Variants in NRG4 observed in about 807,000 individuals in gnomAD.
NRG4 encodes neuregulin 4, also known as pro-neuregulin-4, membrane-bound isoform.
NRG4 carries 10 observed loss-of-function variants against 15.0 expected under a neutral mutation model. The ratio of observed to expected loss-of-function variants is 0.67; its 90% CI spans 0.41 to 1.13. The LOEUF is 1.13. Among genes scored for constraint, NRG4 ranks in the 50% most tolerant of loss-of-function variants. NRG4 has a pLI of 0.00. For missense variants in NRG4, 139 were observed against 140.2 expected, an observed-to-expected ratio of 0.99 and a Z score of 0.04; for synonymous variants, 41 against 50.1, an observed-to-expected ratio of 0.82 and a Z score of 0.77.
chr15:75,978,091 A>G (rs1272463266), intron 3 of NRG4, among the ~76,000 whole-genome samples: 1 of 152,172 alleles, frequency 6.6e-6, no homozygotes, highest in Non-Finnish European at 1.5e-5. Context: ...TGCTGGGATT[A>G]CAGGCATGAG....
rs565514387 is a variant in NRG4 at position 75,955,085 on chromosome 15, A to C, written c.331+847T>G. The stretch of plus-strand genomic sequence containing the variant: ...GAATACTGGGCACCTCTAATCCTTC[A>C]GGTGATTTTTTCCACAACCTCAAGT... On this transcript the variant is annotated intron_variant, in intron 5 of 5. Coordinates refer to ENST00000394907, the MANE Select transcript of NRG4 (RefSeq NM_138573.4). Among the ~76,000 whole-genome samples the C allele has an allele frequency of 7.8e-4, 119 of 152,230 alleles. 2 individuals carry two copies. Among genetic ancestry groups the C allele is most frequent in the Admixed American group, 6.5e-4 (10 of 15,280 alleles).
At chr15:75,989,398 G>T (rs1280676101) in intron 3 of NRG4, among the ~76,000 whole-genome samples, 1 of 151,958 alleles carries the variant, frequency 6.6e-6, no homozygotes, top group Non-Finnish European at 1.5e-5. Flanking sequence ...GAATATGTAA[G>T]ATCCTGAGAC....
At chr15:76,019,270 C>T (rs777763341) in intron 5 of NRG4, among the ~76,000 whole-genome samples, 52 of 152,068 alleles carry the variant, frequency 3.4e-4, no homozygotes, top group Non-Finnish European at 5.4e-4. Flanking sequence ...TGCTGGGCTC[C>T]GTGGGGGTGG....
chr15:75,935,750 G>A (rs1477683518), downstream of NRG4: 2 of 151,920 alleles, frequency 1.3e-5, no homozygotes, highest in Non-Finnish European at 2.9e-5. Context: ...AAGTGAACAT[G>A]CAAAGAATTA....
At chr15:75,969,313 G>T (rs2032982598) in intron 3 of NRG4, 1 of 439,550 alleles carries the variant, frequency 2.3e-6, no homozygotes, top group Non-Finnish European at 4.6e-6. Flanking sequence ...AACTCTTACT[G>T]ATGACATAAT....
At chr15:76,052,920 C>T (rs1244395508) in intron 3 of NRG4, 1 of 150,998 alleles carries the variant, frequency 6.6e-6, no homozygotes, top group Non-Finnish European at 1.5e-5. Flanking sequence ...AACTACAAAA[C>T]ATCAAAAATG....
intron 5 of NRG4, among the ~76,000 whole-genome samples, chr15:75,949,297 G>C (rs979566603): frequency 1.3e-5 from 2 of 151,662 alleles, no homozygotes; most frequent in Non-Finnish European, 2.9e-5. Flanking sequence ...TGTAGTCCCA[G>C]CTACTCGGGA....
At chr15:75,992,555 A>T (rs1222142776) in intron 3 of NRG4, among the ~76,000 whole-genome samples, 2 of 152,164 alleles carry the variant, frequency 1.3e-5, no homozygotes, top group Non-Finnish European at 2.9e-5. Flanking sequence ...CAATGTTTTT[A>T]GTATATTCAC....
chr15:76,023,074 C>A (rs1394756192), intron 5 of NRG4, among the ~76,000 whole-genome samples: 1 of 148,338 alleles, frequency 6.7e-6, no homozygotes, highest in African/African-American at 2.5e-5. Flanking sequence ...CATATTAAAA[C>A]CACAATGAGG....
Position 75,977,950 on chromosome 15 carries a change from G to T in NRG4, c.105-15976C>A, listed in dbSNP as rs369788400. On this transcript the variant is annotated intron_variant, in intron 3 of 5. Transcript: ENST00000394907. The surrounding 1 kb of genome is among the most constrained non-coding windows in gnomAD (Gnocchi z 4.9). ...TCCTGCCTCAGCCTCCCAAGTAGCT[G>T]GGATCACAGGTGCCTGCCACCATGC... Among the ~76,000 whole-genome samples, 21 of 152,070 alleles carry T rather than the reference G, an allele frequency of 1.4e-4. No homozygotes were observed. The East Asian group carries it at 2.9e-3, about 21-fold the overall frequency.
At chr15:75,958,302 G>A (rs1020438681) in intron 4 of NRG4, among the ~76,000 whole-genome samples, 2 of 152,118 alleles carry the variant, frequency 1.3e-5, no homozygotes, top group East Asian at 1.9e-4. Flanking sequence ...ATCAGCCACC[G>A]TGCCCGGCCA....
chr15:76,000,930 A>G (rs1279342359), intron 3 of NRG4, among the ~76,000 whole-genome samples: 1 of 152,198 alleles, frequency 6.6e-6, no homozygotes, highest in East Asian at 1.9e-4. Flanking sequence ...ACAGGATAGT[A>G]CATATAGCAA....
chr15:76,032,147 A>T (rs1332241236), intron 5 of NRG4, among the ~76,000 whole-genome samples: 1 of 152,222 alleles, frequency 6.6e-6, no homozygotes, highest in Non-Finnish European at 1.5e-5. Flanking sequence ...ACTTCAATAG[A>T]GTGTTCAAAT....
intron 4 of NRG4, among the ~76,000 whole-genome samples, chr15:75,957,872 G>T (rs112546480): frequency 6.6e-6 from 1 of 151,890 alleles, no homozygotes; most frequent in Non-Finnish European, 1.5e-5. Context: ...TTAATCTGCT[G>T]TTTAAAGACA....
rs142488008 is a variant in NRG4 at position 75,977,331 on chromosome 15, G to A, written c.105-15357C>T. ...CAGCCCCCTTTCCAGGGGAGTGAAC[G>A]GTTCTGTCTCACTGGTGTTGCAGGC... On this transcript the variant is annotated intron_variant, in intron 3 of 5. Coordinates refer to ENST00000394907, the MANE Select transcript of NRG4 (RefSeq NM_138573.4). This position sits in a 1 kb window ranked among gnomAD's most constrained non-coding sequence, Gnocchi z 4.9. Among the ~76,000 whole-genome samples, 6 of 152,252 alleles carry A rather than the reference G, an allele frequency of 3.9e-5. No individual in the cohort carries two copies. Among genetic ancestry groups the A allele is most frequent in the Middle Eastern group, 3.4e-3 (1 of 294 alleles).
chr15:75,939,861 G>A (rs2030755383), downstream of NRG4: 1 of 152,020 alleles, frequency 6.6e-6, no homozygotes, highest in African/African-American at 2.4e-5. Context: ...CAACAAATGA[G>A]GGATAAGAGG....
intron 4 of NRG4, among the ~76,000 whole-genome samples, chr15:76,050,437 GTTTTTTTT>G (rs71444951): frequency 0.016 from 1,433 of 91,888 alleles, 80 homozygotes; most frequent in African/African-American, 0.055. Flanking sequence ...CCGAGCCTTC[GTTTTTTTT>G]TTTTTTTTTT....
upstream of NRG4, among the ~76,000 whole-genome samples, chr15:76,013,616 G>C (rs1431506561): frequency 2.6e-5 from 4 of 152,090 alleles, no homozygotes; most frequent in Non-Finnish European, 5.9e-5. Flanking sequence ...TCTTGTGTTA[G>C]TTTGCTGAGA....
intron 3 of NRG4, among the ~76,000 whole-genome samples, chr15:75,989,813 T>G (rs183127832): frequency 2.0e-5 from 3 of 152,348 alleles, no homozygotes; most frequent in African/African-American, 7.2e-5. Flanking sequence ...TCTAGTAATT[T>G]TGCATTGCTT....
Sources: allele counts gnomAD v4.1 joint callset (sites outside exome capture counted in the v4.1 genomes callset), GRCh38; gene constraint gnomAD v4.1.1; non-coding constraint Gnocchi (gnomAD v3.1); transcripts MANE v1.5; gene names NCBI Gene and HGNC (gene_info 2026-07-23, HGNC 2026-07-21).